Variants in KPNA4 observed in about 807,000 individuals in gnomAD.
KPNA4 encodes the protein karyopherin subunit alpha 4.
Under a neutral mutation model 71.3 loss-of-function variants are expected in KPNA4, and 13 were observed. The ratio of observed to expected loss-of-function variants is 0.18; its 90% confidence interval spans 0.12 to 0.29. The LOEUF is 0.29. Among genes scored for constraint, KPNA4 ranks in the 10% least tolerant of loss-of-function variants. The probability of loss-of-function intolerance (pLI) is 1.00; values close to 1 mark genes in which losing one functional copy is unlikely to be tolerated. For missense variants in KPNA4, 334 were observed against 603.2 expected (o/e 0.55, Z 4.67); for synonymous variants, 189 against 195.2 (o/e 0.97, Z 0.26).
rs964876612 is a variant in KPNA4 at position 160,554,014 on chromosome 3, T to C, written c.69+11200A>G. Among the ~76,000 whole-genome samples the C allele has an allele frequency of 5.3e-5, 8 of 152,312 alleles. No individual in the cohort carries two copies. The East Asian group carries it at 1.5e-3, about 29-fold the overall frequency. ...GAATAGGAACTCAGCCTGCATTATG[T>C]AGAACCTCCAATACAGATGCTGAAT... On this transcript the variant is annotated intron_variant, in intron 1 of 16. Transcript: ENST00000334256.
chr3:160,538,646 C>T (rs1303962743), intron 1 of KPNA4, among the ~76,000 whole-genome samples: 1 of 152,180 alleles, frequency 6.6e-6, no homozygotes, highest in Non-Finnish European at 1.5e-5. Flanking sequence ...AAAGCCCAGT[C>T]TTTACAGTGG....
In KPNA4 at chr3:160,528,017, C is replaced by T; in HGVS notation, c.492G>A (p.Arg164=). 6.2e-7 allele frequency: 1 copy of T among 1,611,836 alleles called. No homozygotes were observed. The highest frequency in any genetic ancestry group is 1.1e-5 in the South Asian group (1 of 90,908). The part of the protein sequence containing the change: ...VQSNAVPLFL[R]LLHSPHQNVC... Reference sequence around the variant, plus strand: ...CATTCTGATGGGGTGAATGGAGAAGCCTCAGGAAAAGTGGCACAGCATCTG... The same window carrying T: ...CATTCTGATGGGGTGAATGGAGAAGTCTCAGGAAAAGTGGCACAGCATCTG... The change falls in exon 8 of 17, where the codon AGG becomes AGA. Residue 164 remains arginine, a synonymous_variant. Coordinates refer to ENST00000334256, the MANE Select transcript of KPNA4 (RefSeq NM_002268.5).
At chr3:160,507,943 G>C (rs1192022444) in intron 15 of KPNA4, among the ~76,000 whole-genome samples, 164 bp downstream of exon 15, 1 of 152,242 alleles carries the variant, frequency 6.6e-6, no homozygotes, top group African/African-American at 2.4e-5. Flanking sequence ...CTAAGCATAT[G>C]CAAGAGGCTG....
At chr3:160,514,052 G>T in intron 13 of KPNA4, 25 bp downstream of exon 13, 1 of 1,331,578 alleles carries the variant, frequency 7.5e-7, no homozygotes, top group Non-Finnish European at 1.0e-6. Context: ...TCAGATAAAT[G>T]ATACATATAA....
At chr3:160,520,258 T>C (rs1721318572) in intron 11 of KPNA4, among the ~76,000 whole-genome samples, 1 of 149,054 alleles carries the variant, frequency 6.7e-6, no homozygotes, top group African/African-American at 2.5e-5. Context: ...TGTTTTTTCT[T>C]TTTTTTTTTA....
In KPNA4 at chr3:160,523,844, C is replaced by CT. The variant is rs572777404; in HGVS notation, c.772-1935dup. Among the ~76,000 whole-genome samples, 102 of 151,598 alleles carry CT rather than the reference C, an allele frequency of 6.7e-4. 1 individual carries two copies. Among genetic ancestry groups the CT allele is most frequent in the Admixed American group, 1.7e-3 (26 of 15,210 alleles). ...CCAGCCTGGGAAACAGTGCGAGACT[C>CT]TGTCTCAAAAAGAAAAAAAAAAGAA... On this transcript the variant is annotated intron_variant, in intron 10 of 16. Coordinates refer to ENST00000334256, the MANE Select transcript of KPNA4 (RefSeq NM_002268.5).
chr3:160,536,948 C>A, intron 1 of KPNA4, 108 bp from the exon 2 acceptor site: 1 of 523,910 alleles, frequency 1.9e-6, no homozygotes, highest in Non-Finnish European at 3.4e-6. Context: ...TTCTTTTAGC[C>A]ATATGGATAT....
chr3:160,503,941 G>C (rs565782588), intron 16 of KPNA4, among the ~76,000 whole-genome samples: 1 of 152,074 alleles, frequency 6.6e-6, no homozygotes, highest in Non-Finnish European at 1.5e-5. Context: ...AAAGTTATCC[G>C]GGCATAGTGG....
chr3:160,538,315 A>G (rs981354730), intron 1 of KPNA4, among the ~76,000 whole-genome samples: 4 of 152,122 alleles, frequency 2.6e-5, no homozygotes, highest in African/African-American at 4.8e-5. Context: ...GGGTCTAGTA[A>G]CTACTATAAC....
chr3:160,535,388 T>C, intron 5 of KPNA4, 125 bp downstream of exon 5: 3 of 579,000 alleles, frequency 5.2e-6, no homozygotes, highest in Non-Finnish European at 9.1e-6. Flanking sequence ...GTTGATCTAT[T>C]ACTATTTACT....
chr3:160,527,842 A>G, intron 8 of KPNA4, 111 bp downstream of exon 8: 1 of 667,472 alleles, frequency 1.5e-6, no homozygotes, highest in South Asian at 2.3e-5. Context: ...CTATTTCACA[A>G]AAACTAGTAC....
intron 1 of KPNA4, among the ~76,000 whole-genome samples, chr3:160,560,305 T>C (rs575014051): frequency 1.3e-5 from 2 of 152,220 alleles, no homozygotes; most frequent in African/African-American, 4.8e-5. Context: ...TTCTTTAAAA[T>C]AAATTCAATA....
At chr3:160,506,210 C>A (rs904543762) in intron 15 of KPNA4, among the ~76,000 whole-genome samples, 1 of 151,774 alleles carries the variant, frequency 6.6e-6, no homozygotes, top group Admixed American at 6.6e-5. Context: ...ACTCTGTTGC[C>A]CAGGCTGGAG....
chr3:160,538,978 A>G (rs897101179), intron 1 of KPNA4, among the ~76,000 whole-genome samples: 2 of 152,212 alleles, frequency 1.3e-5, no homozygotes, highest in East Asian at 3.9e-4. Flanking sequence ...TAAGGATTAA[A>G]TCAGCTAAAA....
At chr3:160,502,363 G>A (rs916661218) in intron 16 of KPNA4, among the ~76,000 whole-genome samples, 161 bp from the exon 17 acceptor site, 2 of 148,794 alleles carry the variant, frequency 1.3e-5, no homozygotes, top group African/African-American at 4.9e-5. Context: ...TTTATAGAAG[G>A]TTTTTTTTTT....
Position 160,535,991 on chromosome 3 carries a change from TGCC to T in KPNA4, c.115-97_115-95del, listed in dbSNP as rs886269535. 1.6e-4 allele frequency: 155 copies of T among 987,132 alleles called. 1 individual carries two copies. In the South Asian group the frequency reaches 1.6e-3, roughly 10 times the overall value. The allele number at this position is 987,132 out of a possible 1,614,324, so 61.1% of individuals were successfully genotyped here. ...TTCATACAAAGCTCAGGCAATCCTGTGCCTAAAAACTGAAATATGAAGTGCCTT... is the reference window on the plus strand; with the variant it reads ...TTCATACAAAGCTCAGGCAATCCTGTTAAAAACTGAAATATGAAGTGCCTT... On this transcript the variant is annotated intron_variant, in intron 2 of 16. Coordinates refer to ENST00000334256, the MANE Select transcript of KPNA4 (RefSeq NM_002268.5).
intron 10 of KPNA4, among the ~76,000 whole-genome samples, chr3:160,524,453 C>T (rs1721421993): frequency 6.6e-6 from 1 of 152,134 alleles, no homozygotes; most frequent in African/African-American, 2.4e-5. Context: ...GGAGATCCTC[C>T]TGCCTCAGCC....
intron 1 of KPNA4, among the ~76,000 whole-genome samples, chr3:160,557,759 C>G (rs931560846): frequency 6.6e-6 from 1 of 152,320 alleles, no homozygotes; most frequent in South Asian, 2.1e-4. Context: ...ATTGCAGCCT[C>G]CACTTTCTGG....
At chr3:160,529,104 TC>T in intron 7 of KPNA4, among the ~76,000 whole-genome samples, 1 of 152,196 alleles carries the variant, frequency 6.6e-6, no homozygotes, top group African/African-American at 2.4e-5. Context: ...AATTTTTTTT[TC>T]CTGCATTTTG....
Sources: allele counts gnomAD v4.1 joint callset (sites outside exome capture counted in the v4.1 genomes callset), GRCh38; gene constraint gnomAD v4.1.1; transcripts MANE v1.5; gene names NCBI Gene and HGNC (gene_info 2026-07-23, HGNC 2026-07-21).